The following PCED1B variants were observed in gnomAD, a reference collection of about 807,000 sequenced individuals.
PCED1B encodes the protein PC-esterase domain-containing protein 1B.
For synonymous variants in PCED1B, 251 were observed against 246.1 expected (o/e 1.02, Z -0.19); for missense variants, 573 against 573.9 (o/e 1.00, Z 0.02).
chr12:47,232,499 T>G (rs756670477), intron 3 of PCED1B, among the ~76,000 whole-genome samples: 63 of 152,236 alleles, frequency 4.1e-4, no homozygotes, highest in Admixed American at 1.2e-3. Flanking sequence ...CACCCATACC[T>G]ATTAAAATGT....
At chr12:47,163,600 T>A (rs1941456497) in intron 2 of PCED1B, among the ~76,000 whole-genome samples, 2 of 152,356 alleles carry the variant, frequency 1.3e-5, no homozygotes, top group South Asian at 4.1e-4. Context: ...ATTTCTAGTT[T>A]GTTGACTTGT....
At chr12:47,153,290 C>G (rs1416653163) in intron 2 of PCED1B, among the ~76,000 whole-genome samples, 2 of 138,926 alleles carry the variant, frequency 1.4e-5, no homozygotes, top group African/African-American at 2.7e-5. Flanking sequence ...GTGGAGCTTA[C>G]AGTGAGCAGA....
chr12:47,146,429 G>A (rs1940786399), intron 2 of PCED1B, among the ~76,000 whole-genome samples: 1 of 152,140 alleles, frequency 6.6e-6, no homozygotes. Context: ...TCCTACTGTG[G>A]GTAAAATGCT....
intron 2 of PCED1B, among the ~76,000 whole-genome samples, chr12:47,146,998 CT>C (rs59400736): frequency 0.012 from 1,189 of 98,940 alleles, 8 homozygotes; most frequent in South Asian, 0.044. Flanking sequence ...GTTCATTGCT[CT>C]TTTTTTTTTT....
chr12:47,183,242 A>G (rs1203132998), intron 2 of PCED1B, among the ~76,000 whole-genome samples: 2 of 152,222 alleles, frequency 1.3e-5, no homozygotes, highest in African/African-American at 4.8e-5. Context: ...TAGTGATTAT[A>G]TATAGGTAAA....
At chr12:47,180,024 T>C (rs866891191) in intron 2 of PCED1B, among the ~76,000 whole-genome samples, 10 of 152,296 alleles carry the variant, frequency 6.6e-5, no homozygotes, top group Middle Eastern at 3.4e-3. Context: ...GGTGGTTTGC[T>C]ACACAGATCA....
At chr12:47,112,049 A>C (rs1171059385) in intron 2 of PCED1B, among the ~76,000 whole-genome samples, 2 of 152,212 alleles carry the variant, frequency 1.3e-5, no homozygotes, top group Non-Finnish European at 2.9e-5. Context: ...GCCAACCCCC[A>C]GCCCACGCGA....
intron 2 of PCED1B, among the ~76,000 whole-genome samples, chr12:47,119,770 G>A (rs149028668): frequency 0.029 from 4,383 of 151,722 alleles, 110 homozygotes; most frequent in Non-Finnish European, 0.045. Context: ...TCTGAGGTCA[G>A]CCTGGTCAAT....
At chr12:47,138,859 G>A (rs934646984) in intron 2 of PCED1B, among the ~76,000 whole-genome samples, 1 of 152,178 alleles carries the variant, frequency 6.6e-6, no homozygotes, top group Non-Finnish European at 1.5e-5. Context: ...ATAAACAGAT[G>A]CTTTAACTTC....
Position 47,125,790 on chromosome 12 carries a change from T to A in PCED1B, c.-526+21595T>A, listed in dbSNP as rs1939863707. ...TTATAAAGGGAATTATGTTTTTAAT[T>A]TTAATTTCTGATTGTTCACTGCCAG... On this transcript the variant is annotated intron_variant, in intron 2 of 3. Transcript: ENST00000546455. 2.6e-5 allele frequency among the ~76,000 whole-genome samples: 4 copies of A among 152,110 alleles called. No individual in the cohort carries two copies. The South Asian group carries it at 8.3e-4, about 31-fold the overall frequency.
chr12:47,105,340 T>A (rs1592145374), intron 2 of PCED1B, among the ~76,000 whole-genome samples: 1 of 151,924 alleles, frequency 6.6e-6, no homozygotes, highest in Non-Finnish European at 1.5e-5. Flanking sequence ...TGTAAGGGAG[T>A]GCAGGTGGCT....
chr12:47,171,878 TTTCTTC>T (rs145146818), intron 2 of PCED1B, among the ~76,000 whole-genome samples: 7 of 148,038 alleles, frequency 4.7e-5, no homozygotes, highest in Admixed American at 2.7e-4. Context: ...TTCTTCTTCT[TTTCTTC>T]TTCTTCTTCT....
intron 2 of PCED1B, among the ~76,000 whole-genome samples, chr12:47,114,273 C>G (rs1939326332): frequency 6.6e-6 from 1 of 152,146 alleles, no homozygotes; most frequent in South Asian, 2.1e-4. Context: ...CTAATCTCTC[C>G]CATTTGACAC....
chr12:47,099,468 C>CAG (rs1279487034), intron 1 of PCED1B, among the ~76,000 whole-genome samples: 6 of 152,198 alleles, frequency 3.9e-5, no homozygotes, highest in African/African-American at 1.2e-4. Flanking sequence ...TTTATACTCA[C>CAG]TGCTCTCACA....
At chr12:47,152,368 CT>C (rs1941025804) in intron 2 of PCED1B, among the ~76,000 whole-genome samples, 1 of 152,140 alleles carries the variant, frequency 6.6e-6, no homozygotes, top group African/African-American at 2.4e-5. Flanking sequence ...CACAATATTG[CT>C]TCTGGAGTCT....
chr12:47,120,147 C>T (rs1174181702), intron 2 of PCED1B, among the ~76,000 whole-genome samples: 1 of 152,096 alleles, frequency 6.6e-6, no homozygotes, highest in Non-Finnish European at 1.5e-5. Flanking sequence ...TACCACTTCA[C>T]ACCCACTAAG....
intron 2 of PCED1B, among the ~76,000 whole-genome samples, chr12:47,114,895 G>C (rs191212735): frequency 6.6e-6 from 1 of 152,270 alleles, no homozygotes; most frequent in East Asian, 1.9e-4. Context: ...TAATAACATA[G>C]TCTGGAAATA....
chr12:47,089,180 C>T (rs575356270), intron 1 of PCED1B, among the ~76,000 whole-genome samples: 31 of 152,048 alleles, frequency 2.0e-4, no homozygotes, highest in African/African-American at 3.9e-4. Flanking sequence ...TGGTGGCTCA[C>T]GCCTGTAATC....
At chr12:47,139,604 T>C (rs1238065387) in intron 2 of PCED1B, among the ~76,000 whole-genome samples, 4 of 152,056 alleles carry the variant, frequency 2.6e-5, no homozygotes, top group African/African-American at 4.8e-5. Context: ...GGCCAGATCA[T>C]GTGGGATGTA....
Sources: allele counts gnomAD v4.1 joint callset (sites outside exome capture counted in the v4.1 genomes callset), GRCh38; gene constraint gnomAD v4.1.1; transcripts MANE v1.5; gene names NCBI Gene and HGNC (gene_info 2026-07-23, HGNC 2026-07-21).